Variants in ADAP1 observed in about 807,000 individuals in gnomAD.
The protein encoded by ADAP1 is arf-GAP with dual PH domain-containing protein 1.
ADAP1 carries 31 observed loss-of-function variants against 54.9 expected under a neutral mutation model. The ratio of observed to expected loss-of-function variants is 0.56; its 90% confidence interval spans 0.42 to 0.76. ADAP1 has a LOEUF of 0.76. ADAP1 is among the 30% of genes least tolerant of loss of function. The probability of loss-of-function intolerance (pLI) is 0.00; values close to 1 mark genes in which losing one functional copy is unlikely to be tolerated. For synonymous variants in ADAP1, 313 were observed against 202.6 expected, an observed-to-expected ratio of 1.55 and a Z score of -4.63; for missense variants, 535 against 512.4, an observed-to-expected ratio of 1.04 and a Z score of -0.42.
chr7:904,051 C>T (rs1844959879), intron 6 of ADAP1, 75 bp downstream of exon 6: 8 of 1,588,942 alleles, frequency 5.0e-6, no homozygotes, highest in South Asian at 1.1e-5. Flanking sequence ...TCCAAGCACC[C>T]ACCTTCCTGC....
chr7:943,164 AAGGG>A (rs1393938155), intron 1 of ADAP1, among the ~76,000 whole-genome samples: 1 of 61,024 alleles, frequency 1.6e-5, no homozygotes, highest in Non-Finnish European at 3.5e-5. Context: ...GAGGAGGAGG[AAGGG>A]AGAGAGGATG....
chr7:920,182 G>T lies in ADAP1; in HGVS notation c.306-132C>A. Reference sequence around the variant, plus strand: ...CCCGGCAGACTCGAGCCGCCCCTCTGGGCACAAGATCCCGGAAGAAATGCA... The same window carrying T: ...CCCGGCAGACTCGAGCCGCCCCTCTTGGCACAAGATCCCGGAAGAAATGCA... On this transcript the variant is annotated intron_variant, in intron 3 of 10. Coordinates refer to ENST00000265846, the MANE Select transcript of ADAP1 (RefSeq NM_006869.4). This position sits in a 1 kb window ranked among gnomAD's most constrained non-coding sequence, Gnocchi z 4.5. The T allele has an allele frequency of 2.9e-6, 2 of 693,110 alleles. No individual in the cohort carries two copies. Among genetic ancestry groups the T allele is most frequent in the Non-Finnish European group, 4.8e-6 (2 of 416,698 alleles). The allele number at this position is 693,110 out of a possible 1,614,324, so 42.9% of individuals were successfully genotyped here. A position where few individuals can be genotyped will look rare whatever the true frequency, so the allele number is the denominator to read the frequency against.
At chr7:948,760 G>C (rs1427923726) in intron 1 of ADAP1, among the ~76,000 whole-genome samples, 6 of 152,042 alleles carry the variant, frequency 3.9e-5, no homozygotes, top group Non-Finnish European at 2.9e-5. Context: ...GCAGTGGCAT[G>C]ATCTCGGCTC....
In ADAP1 at chr7:905,107, C is replaced by T; in HGVS notation, c.454G>A (p.Val152Met). 6.2e-7 allele frequency: 1 copy of T among 1,612,490 alleles called. No homozygotes were observed. Among genetic ancestry groups the T allele is most frequent in the Non-Finnish European group, 8.5e-7 (1 of 1,179,916 alleles). ...DNGQFLSRKF[V>M]LTEREGALKY... Reference sequence around the variant, plus strand: ...AGAGCACCCTCTCGTTCTGTCAGCACAAACTTCCGGCTCAAAAACTGCCCG... The same window carrying T: ...AGAGCACCCTCTCGTTCTGTCAGCATAAACTTCCGGCTCAAAAACTGCCCG... The change falls in exon 5 of 11, where the codon GTG becomes ATG. Residue 152 changes from valine (V) to methionine (M), a missense_variant. Transcript: ENST00000265846.
At position 899,024 on chromosome 7, in the gene ADAP1, C is replaced by G; in HGVS notation, c.1096+9G>C. On this transcript the variant is annotated intron_variant, in intron 10 of 10. Transcript: ENST00000265846. ...CCCTTCCAGGCCGCCGGCCGCCCGC[C>G]CCCCTCACCTGCGTACTCCTGGGGC... 1 of 1,609,910 alleles carries G rather than the reference C, an allele frequency of 6.2e-7. No individual in the cohort carries two copies. The highest frequency in any genetic ancestry group is 1.1e-5 in the South Asian group (1 of 91,060).
At position 946,979 on chromosome 7, in the gene ADAP1, A is replaced by G. The variant is rs1167898676; in HGVS notation, c.82+7417T>C. Among the ~76,000 whole-genome samples the G allele has an allele frequency of 6.6e-6, 1 of 152,148 alleles. No homozygotes were observed. Among genetic ancestry groups the G allele is most frequent in the African/African-American group, 2.4e-5 (1 of 41,426 alleles). On this transcript the variant is annotated intron_variant, in intron 1 of 10. Transcript: ENST00000265846. This position sits in a 1 kb window ranked among gnomAD's most constrained non-coding sequence, Gnocchi z 4.3. The stretch of plus-strand genomic sequence containing the variant: ...AGACACCGCGACTCCATCCTTATGA[A>G]AAAATTTTCTATAAAAGGTTAATTT...
In ADAP1 at chr7:945,683, A is replaced by T; in HGVS notation, c.82+8713T>A. ...CATCCAGGCTGCCAGCACCGTCTCC[A>T]GGAGCTGCCTCCTCCTCGGAGACTG... On this transcript the variant is annotated intron_variant, in intron 1 of 10. Coordinates refer to ENST00000265846, the MANE Select transcript of ADAP1 (RefSeq NM_006869.4). This position sits in a 1 kb window ranked among gnomAD's most constrained non-coding sequence, Gnocchi z 4.2. 1 of 949,234 alleles carries T rather than the reference A, an allele frequency of 1.1e-6. No homozygotes were observed. The highest frequency in any genetic ancestry group is 1.3e-6 in the Non-Finnish European group (1 of 796,966). The allele number at this position is 949,234 out of a possible 1,614,324, so 58.8% of individuals were successfully genotyped here. A position where few individuals can be genotyped will look rare whatever the true frequency, so the allele number is the denominator to read the frequency against.
chr7:955,307 G>A (rs749025034), upstream of ADAP1: 28 of 1,550,014 alleles, frequency 1.8e-5, no homozygotes, highest in South Asian at 2.4e-4. Context: ...TCCCAGACTC[G>A]CGTGCCCTTC....
At chr7:911,187 G>C (rs1009509741) in intron 4 of ADAP1, among the ~76,000 whole-genome samples, 1 of 152,274 alleles carries the variant, frequency 6.6e-6, no homozygotes, top group East Asian at 1.9e-4. Flanking sequence ...AGGCTTCCCT[G>C]TTCCCAGGGG....
At chr7:947,202 G>A (rs923853042) in intron 1 of ADAP1, among the ~76,000 whole-genome samples, 1 of 143,230 alleles carries the variant, frequency 7.0e-6, no homozygotes, top group South Asian at 2.3e-4. Context: ...ACCACATCTG[G>A]CTGATTTTTT....
chr7:933,394 A>G (rs1394181167), intron 2 of ADAP1, among the ~76,000 whole-genome samples: 1 of 152,176 alleles, frequency 6.6e-6, no homozygotes, highest in East Asian at 1.9e-4. Flanking sequence ...GATTTCTAAC[A>G]AGCCTCCAGG....
chr7:908,358 G>A (rs1051120875), intron 4 of ADAP1, among the ~76,000 whole-genome samples: 2 of 152,262 alleles, frequency 1.3e-5, no homozygotes, highest in East Asian at 3.9e-4. Context: ...AACGCCTGGC[G>A]TTGGGGAGGG....
intron 9 of ADAP1, 27 bp downstream of exon 9, chr7:899,392 C>G (rs368633942): frequency 1.2e-6 from 2 of 1,611,818 alleles, no homozygotes; most frequent in South Asian, 1.1e-5. Flanking sequence ...GCTGCCCTCC[C>G]GTGCTGGGGC....
At chr7:902,776 G>A (rs1341808731) in intron 6 of ADAP1, among the ~76,000 whole-genome samples, 2 of 152,084 alleles carry the variant, frequency 1.3e-5, no homozygotes, top group African/African-American at 4.8e-5. Context: ...GAAAAGACGA[G>A]GGACCCTTGC....
chr7:925,960 G>A (rs548899342), intron 3 of ADAP1, among the ~76,000 whole-genome samples: 3 of 152,308 alleles, frequency 2.0e-5, no homozygotes, highest in East Asian at 1.9e-4. Context: ...GGGTCGGTGC[G>A]AACAGTCAGG....
At chr7:905,827 AGAAG>A (rs1365440689) in intron 4 of ADAP1, among the ~76,000 whole-genome samples, 23 of 42,264 alleles carry the variant, frequency 5.4e-4, no homozygotes, top group African/African-American at 1.5e-3. Context: ...GGGAGAAGGG[AGAAG>A]GGAGAAGGGA....
At chr7:949,737 G>A (rs1389853594) in intron 1 of ADAP1, among the ~76,000 whole-genome samples, 1 of 152,204 alleles carries the variant, frequency 6.6e-6, no homozygotes, top group African/African-American at 2.4e-5. Flanking sequence ...AGAGGGAAAG[G>A]CCTCCAGCTC....
At chr7:904,571 G>A (rs1038061452) in intron 5 of ADAP1, among the ~76,000 whole-genome samples, 4 of 152,182 alleles carry the variant, frequency 2.6e-5, no homozygotes, top group Non-Finnish European at 4.4e-5. Flanking sequence ...TCCCACAGGG[G>A]CAGGCCCCAG....
At position 905,905 on chromosome 7, in the gene ADAP1, GA is replaced by G. The variant is rs1562913204; in HGVS notation, c.389-734del. On this transcript the variant is annotated intron_variant, in intron 4 of 10. Transcript: ENST00000265846. The stretch of plus-strand genomic sequence containing the variant: ...AGGAGAAAGGAGAAAGGAGAAAGGA[GA>G]AAGGGAAAGGAGAAAGGGAGAAAGG... Among the ~76,000 whole-genome samples, 194 of 22,390 alleles carry G rather than the reference GA, an allele frequency of 8.7e-3. 7 individuals carry two copies. The highest frequency in any genetic ancestry group is 0.013 in the Admixed American group (23 of 1,832). The allele number at this position is 22,390 out of a possible 152,430, so 14.7% of individuals were successfully genotyped here.
Sources: allele counts gnomAD v4.1 joint callset (sites outside exome capture counted in the v4.1 genomes callset), GRCh38; gene constraint gnomAD v4.1.1; non-coding constraint Gnocchi (gnomAD v3.1); transcripts MANE v1.5; gene names NCBI Gene and HGNC (gene_info 2026-07-23, HGNC 2026-07-21).